The following AVL9 variants were observed in gnomAD, a reference collection of about 807,000 sequenced individuals.
AVL9 encodes AVL9 cell migration associated.
In AVL9, 49 loss-of-function variants were observed where a neutral mutation model predicts 79.2. The observed-to-expected ratio is 0.62, with a 90% CI of 0.49 to 0.79. AVL9 has a LOEUF of 0.79. Among genes scored for constraint, AVL9 ranks in the 30% least tolerant of loss-of-function variants. The probability of loss-of-function intolerance (pLI) is 0.00; values close to 1 mark genes in which losing one functional copy is unlikely to be tolerated. For missense variants in AVL9, 682 were observed against 776.8 expected (o/e 0.88, Z 1.45); for synonymous variants, 299 against 280.6 (o/e 1.07, Z -0.65).
At chr7:32,558,354 C>T (rs1490310932) in intron 8 of AVL9, among the ~76,000 whole-genome samples, 1 of 152,022 alleles carries the variant, frequency 6.6e-6, no homozygotes, top group Non-Finnish European at 1.5e-5. Context: ...GACGGGGTTT[C>T]ACCATGTTGG....
intron 13 of AVL9, among the ~76,000 whole-genome samples, chr7:32,579,335 ATAAC>A (rs1396289291): frequency 4.8e-4 from 15 of 31,568 alleles, no homozygotes; most frequent in Non-Finnish European, 2.0e-4. Flanking sequence ...TATAATATAT[ATAAC>A]ACATATTTTA....
rs896424745 is a variant in AVL9 at position 32,584,558 on chromosome 7, G to C, written c.*651G>C. 1 of 154,058 alleles carries C rather than the reference G, an allele frequency of 6.5e-6. No homozygotes were observed. The highest frequency in any genetic ancestry group is 1.4e-5 in the Non-Finnish European group (1 of 69,336). 9.5% of individuals were successfully genotyped at this position (154,058 alleles called of 1,614,324 possible). A position where few individuals can be genotyped will look rare whatever the true frequency, so the allele number is the denominator to read the frequency against. On this transcript the variant is annotated 3_prime_UTR_variant, in exon 16 of 16. Coordinates refer to ENST00000318709, the MANE Select transcript of AVL9 (RefSeq NM_015060.3). Reference sequence around the variant, plus strand: ...GTTTCAGACATCAAGGAGTATCACTGTGCTTTCCTCCTCTTTATAACTGTG... The same window carrying C: ...GTTTCAGACATCAAGGAGTATCACTCTGCTTTCCTCCTCTTTATAACTGTG...
Position 32,564,766 on chromosome 7 carries a change from C to T in AVL9, c.1216-5254C>T, listed in dbSNP as rs1051449843. ...TTCAGGAAGTGTAGAGAAGAAACAGCTGCTAAGGAATAAGAGGCGGGGCTA... is the reference window on the plus strand; with the variant it reads ...TTCAGGAAGTGTAGAGAAGAAACAGTTGCTAAGGAATAAGAGGCGGGGCTA... On this transcript the variant is annotated intron_variant, in intron 10 of 15. Coordinates refer to ENST00000318709, the MANE Select transcript of AVL9 (RefSeq NM_015060.3). 2.0e-5 allele frequency among the ~76,000 whole-genome samples: 3 copies of T among 152,068 alleles called. No homozygotes were observed. The East Asian group carries it at 5.8e-4, about 29-fold the overall frequency.
In AVL9 at chr7:32,528,967, G is replaced by A. The variant is rs1013206820; in HGVS notation, c.94-14174G>A. 4.6e-5 allele frequency among the ~76,000 whole-genome samples: 7 copies of A among 152,230 alleles called. No individual in the cohort carries two copies. The South Asian group carries it at 6.2e-4, about 14-fold the overall frequency. The stretch of plus-strand genomic sequence containing the variant: ...AGAGCCTGCAGTGAGCCAAGATCGC[G>A]CCACTGCACTCCAGCCTGGGTGACA... On this transcript the variant is annotated intron_variant, in intron 1 of 15. Transcript: ENST00000318709.
chr7:32,512,009 A>G (rs929471191), intron 1 of AVL9, among the ~76,000 whole-genome samples: 1 of 152,230 alleles, frequency 6.6e-6, no homozygotes, highest in Non-Finnish European at 1.5e-5. Context: ...ATTATGAAAC[A>G]TACATTTATC....
chr7:32,500,209 C>T (rs180800284), intron 1 of AVL9, among the ~76,000 whole-genome samples: 4 of 152,268 alleles, frequency 2.6e-5, no homozygotes, highest in Admixed American at 2.0e-4. Flanking sequence ...ACACTTCCAT[C>T]AATAGTGTAA....
At chr7:32,542,783 C>T (rs1789274161) in intron 1 of AVL9, among the ~76,000 whole-genome samples, 1 of 152,150 alleles carries the variant, frequency 6.6e-6, no homozygotes. Flanking sequence ...ACCTCTCCTA[C>T]TCAATTCAGT....
At chr7:32,570,473 T>C (rs1333055843) in intron 11 of AVL9, among the ~76,000 whole-genome samples, 1 of 152,188 alleles carries the variant, frequency 6.6e-6, no homozygotes, top group East Asian at 1.9e-4. Flanking sequence ...ACCTCATGAT[T>C]TTTAACATGT....
intron 7 of AVL9, 56 bp downstream of exon 7, chr7:32,553,823 T>TAAGAACAGTGTTG: frequency 8.0e-7 from 1 of 1,256,420 alleles, no homozygotes; most frequent in Non-Finnish European, 1.1e-6. Context: ...TGGCCAACAC[T>TAAGAACAGTGTTG]GTTCTTAGTG....
At chr7:32,503,347 T>TATATAG (rs1554332667) in intron 1 of AVL9, among the ~76,000 whole-genome samples, 1 of 74,298 alleles carries the variant, frequency 1.3e-5, no homozygotes, top group African/African-American at 4.0e-5. Flanking sequence ...TATATATAGA[T>TATATAG]ATAGATATAG....
intron 1 of AVL9, among the ~76,000 whole-genome samples, chr7:32,522,662 G>A (rs553810097): frequency 1.7e-4 from 26 of 152,188 alleles, no homozygotes; most frequent in Admixed American, 1.6e-3. Flanking sequence ...TAAGACTTTG[G>A]GAGACTGTTG....
At position 32,585,277 on chromosome 7, in the gene AVL9, T is replaced by C. The variant is rs374729931; in HGVS notation, c.*1370T>C. ...TAAATAGAAATCTCATCTTAGTTTA[T>C]ATTCAGCAAAGTAAGAGGCAAGAGA... On this transcript the variant is annotated 3_prime_UTR_variant, in exon 16 of 16. Transcript: ENST00000318709. The C allele has an allele frequency of 8.5e-5, 13 of 152,338 alleles. No homozygotes were observed. The East Asian group carries it at 2.1e-3, about 25-fold the overall frequency. 9.4% of individuals were successfully genotyped at this position (152,338 alleles called of 1,614,324 possible). A position where few individuals can be genotyped will look rare whatever the true frequency, so the allele number is the denominator to read the frequency against.
chr7:32,581,827 T>G (rs981564064), intron 15 of AVL9, among the ~76,000 whole-genome samples: 13 of 152,238 alleles, frequency 8.5e-5, no homozygotes, highest in African/African-American at 2.6e-4. Flanking sequence ...AAGAAAGAAA[T>G]TAATTGAATT....
chr7:32,499,023 C>CG (rs1786994712), intron 1 of AVL9, among the ~76,000 whole-genome samples: 3 of 95,776 alleles, frequency 3.1e-5, no homozygotes, highest in East Asian at 2.9e-4. Context: ...ATTAGCTGCG[C>CG]GTGGTGGCAC....
At chr7:32,525,069 C>T (rs1028230934) in intron 1 of AVL9, among the ~76,000 whole-genome samples, 1 of 152,188 alleles carries the variant, frequency 6.6e-6, no homozygotes, top group African/African-American at 2.4e-5. Context: ...TGATGGTTCT[C>T]ATGAGCTGTT....
intron 13 of AVL9, among the ~76,000 whole-genome samples, chr7:32,579,288 ATATG>A (rs1253157033): frequency 3.9e-5 from 4 of 101,298 alleles, no homozygotes; most frequent in Non-Finnish European, 5.4e-5. Flanking sequence ...TTATATATAT[ATATG>A]TATTATATAT....
intron 1 of AVL9, chr7:32,538,161 A>G (rs1415673983): frequency 6.6e-6 from 1 of 152,240 alleles, no homozygotes; most frequent in Non-Finnish European, 1.5e-5. Context: ...TATGTTAAGC[A>G]TAGCATAGCT....
intron 1 of AVL9, chr7:32,536,854 A>G (rs1788934119): frequency 6.6e-6 from 1 of 152,232 alleles, no homozygotes; most frequent in Admixed American, 6.5e-5. Context: ...AAAGGACACA[A>G]TTCAGGAACA....
Position 32,558,484 on chromosome 7 carries a change from C to T in AVL9, c.610-75C>T, listed in dbSNP as rs1016838345. ...TGTTATTCTTATATAAGGAATTTTT[C>T]CCTCTTTTTTATTTGTTATCATTAT... On this transcript the variant is annotated intron_variant, in intron 8 of 15. Coordinates refer to ENST00000318709, the MANE Select transcript of AVL9 (RefSeq NM_015060.3). 3.4e-6 allele frequency: 4 copies of T among 1,162,514 alleles called. No individual in the cohort carries two copies. In the Admixed American group the frequency reaches 6.2e-5, roughly 18 times the overall value. The allele number at this position is 1,162,514 out of a possible 1,614,324, so 72.0% of individuals were successfully genotyped here.
Sources: allele counts gnomAD v4.1 joint callset (sites outside exome capture counted in the v4.1 genomes callset), GRCh38; gene constraint gnomAD v4.1.1; transcripts MANE v1.5; gene names NCBI Gene and HGNC (gene_info 2026-07-23, HGNC 2026-07-21).